HERC4: variants seen among roughly 807,000 people sequenced by gnomAD.
The protein encoded by HERC4 is HECT and RLD domain containing E3 ubiquitin protein ligase 4.
Under a neutral mutation model 124.3 loss-of-function variants are expected in HERC4, and 28 were observed. The observed-to-expected ratio is 0.23, with a 90% CI of 0.17 to 0.31. HERC4 has a LOEUF of 0.31. Ranked by LOEUF, HERC4 falls within the 10% of genes least tolerant of loss-of-function variation. HERC4 has a pLI of 1.00. For synonymous variants in HERC4, 407 were observed against 421.5 expected (o/e 0.97, Z 0.42); for missense variants, 713 against 1,229.3 (o/e 0.58, Z 6.28).
intron 3 of HERC4, among the ~76,000 whole-genome samples, chr10:68,048,693 TA>T (rs1182012586): frequency 7.9e-5 from 12 of 152,210 alleles, no homozygotes; most frequent in Non-Finnish European, 2.9e-5. Flanking sequence ...TTGTTGATTT[TA>T]ACAAATGTGC....
At chr10:68,042,420 T>C (rs777124292) in intron 4 of HERC4, among the ~76,000 whole-genome samples, 24 of 152,230 alleles carry the variant, frequency 1.6e-4, no homozygotes, top group Non-Finnish European at 3.4e-4. Flanking sequence ...AGTCCAGGAA[T>C]TTAAGACCAG....
chr10:67,925,689 T>A (rs1432754844), intron 23 of HERC4, among the ~76,000 whole-genome samples: 1 of 152,060 alleles, frequency 6.6e-6, no homozygotes, highest in African/African-American at 2.4e-5. Context: ...ATATGAGGAA[T>A]GTATGACTTC....
rs749114808 is a variant in HERC4, at chr10:67,922,804, G to A, written c.*127C>T. The A allele has an allele frequency of 6.9e-5, 47 of 680,066 alleles. No homozygotes were observed. The highest frequency in any genetic ancestry group is 1.6e-4 in the African/African-American group (9 of 56,114). 42.1% of individuals were successfully genotyped at this position (680,066 alleles called of 1,614,324 possible). A position where few individuals can be genotyped will look rare whatever the true frequency, so the allele number is the denominator to read the frequency against. On this transcript the variant is annotated 3_prime_UTR_variant, in exon 25 of 25. Coordinates refer to ENST00000373700, the MANE Select transcript of HERC4 (RefSeq NM_015601.4). The stretch of plus-strand genomic sequence containing the variant: ...TATTTTTTGGCTTCCATGAACACTC[G>A]TAGATTGAACATTCTGCAAGTAAGA...
intron 16 of HERC4, among the ~76,000 whole-genome samples, chr10:67,963,455 G>C (rs1314185957): frequency 6.6e-6 from 1 of 152,156 alleles, no homozygotes; most frequent in Non-Finnish European, 1.5e-5. Flanking sequence ...GACCTCAGGT[G>C]ATCTGCCCAC....
chr10:67,959,357 A>T (rs577440379), intron 16 of HERC4, among the ~76,000 whole-genome samples: 1 of 152,252 alleles, frequency 6.6e-6, no homozygotes, highest in African/African-American at 2.4e-5. Context: ...GTGATCATAA[A>T]ATGATTGAGG....
intron 16 of HERC4, among the ~76,000 whole-genome samples, chr10:67,959,626 T>C (rs1326210034): frequency 6.6e-6 from 1 of 152,118 alleles, no homozygotes; most frequent in Non-Finnish European, 1.5e-5. Context: ...AAATTGTTTT[T>C]ATTTGACAGA....
chr10:67,976,772 T>C (rs998995289), intron 15 of HERC4, among the ~76,000 whole-genome samples: 2 of 152,192 alleles, frequency 1.3e-5, no homozygotes, highest in Non-Finnish European at 2.9e-5. Context: ...TTGTTAGGCA[T>C]TGAGCTCAGC....
intron 3 of HERC4, among the ~76,000 whole-genome samples, chr10:68,066,117 C>T (rs1379726392): frequency 6.6e-6 from 1 of 152,160 alleles, no homozygotes; most frequent in African/African-American, 2.4e-5. Context: ...CATTTGAGTA[C>T]ACCTCCTCTA....
At chr10:67,956,806 T>C in intron 17 of HERC4, 72 bp downstream of exon 17, 1 of 1,010,042 alleles carries the variant, frequency 9.9e-7, no homozygotes, top group Non-Finnish European at 1.4e-6. Flanking sequence ...CCTAGGAAAA[T>C]TTCAAATATT....
At chr10:67,947,948 C>G (rs1164585362) in intron 19 of HERC4, among the ~76,000 whole-genome samples, 1 of 132,310 alleles carries the variant, frequency 7.6e-6, no homozygotes, top group Non-Finnish European at 1.6e-5. Context: ...CTTGGCCTCC[C>G]AAAGTGGTGG....
At chr10:67,936,325 A>T (rs559462293) in intron 21 of HERC4, 90 bp from the exon 22 acceptor site, 22 of 630,598 alleles carry the variant, frequency 3.5e-5, no homozygotes, top group Middle Eastern at 9.3e-4. Context: ...TCATTTAATT[A>T]AAAAAAACTA....
chr10:67,938,310 G>A (rs2032555116), intron 21 of HERC4, among the ~76,000 whole-genome samples: 1 of 151,498 alleles, frequency 6.6e-6, no homozygotes, highest in East Asian at 2.0e-4. Flanking sequence ...GTATGGTGGT[G>A]TGCACCTGTA....
At position 67,990,798 on chromosome 10, in the gene HERC4, C is replaced by A. The variant is rs115143453; in HGVS notation, c.1443+106G>T. 21 of 605,946 alleles carry A rather than the reference C, an allele frequency of 3.5e-5. No individual in the cohort carries two copies. In the Admixed American group the frequency reaches 5.0e-4, roughly 14 times the overall value. 37.5% of individuals were successfully genotyped at this position (605,946 alleles called of 1,614,324 possible). ...ATAAAATCTTATTTTAAAAGCACAT[C>A]GTAAGAGTCTGTGAAACTGCAAAGT... On this transcript the variant is annotated intron_variant, in intron 13 of 24. Transcript: ENST00000373700.
chr10:68,035,521 G>A (rs2039416953), intron 5 of HERC4, among the ~76,000 whole-genome samples: 1 of 152,084 alleles, frequency 6.6e-6, no homozygotes, highest in Non-Finnish European at 1.5e-5. Context: ...CATATAAATA[G>A]ACATTTGTAT....
At position 67,922,586 on chromosome 10, in the gene HERC4, C is replaced by G. The variant is rs57572487; in HGVS notation, c.*345G>C. On this transcript the variant is annotated 3_prime_UTR_variant, in exon 25 of 25. Transcript: ENST00000373700. Reference sequence around the variant, plus strand: ...AGGCCAAAGTTAAAGGTTTTTCACTCAATGATTGAAGAAAAATTAAGCAAT... The same window carrying G: ...AGGCCAAAGTTAAAGGTTTTTCACTGAATGATTGAAGAAAAATTAAGCAAT... 11,189 of 159,222 alleles carry G rather than the reference C, an allele frequency of 0.07. 1,023 individuals carry two copies. Among genetic ancestry groups the G allele is most frequent in the African/African-American group, 0.22 (9,032 of 41,702 alleles). The allele number at this position is 159,222 out of a possible 1,614,324, so 9.9% of individuals were successfully genotyped here.
At chr10:67,959,112 C>T (rs759435078) in intron 16 of HERC4, 1 of 1,595,528 alleles carries the variant, frequency 6.3e-7, no homozygotes, top group Admixed American at 1.7e-5. Context: ...ACCAAACTTA[C>T]CTCAGTTAAT....
At chr10:68,007,041 T>C (rs2037613904) in intron 9 of HERC4, among the ~76,000 whole-genome samples, 1 of 152,220 alleles carries the variant, frequency 6.6e-6, no homozygotes, top group Non-Finnish European at 1.5e-5. Context: ...GTCTCTATTA[T>C]TAGCTCTTTA....
rs2034177575 is a variant in HERC4 at position 67,956,867 on chromosome 10, T to C, written c.2025+11A>G. 2 of 1,502,282 alleles carry C rather than the reference T, an allele frequency of 1.3e-6. No individual in the cohort carries two copies. Among genetic ancestry groups the C allele is most frequent in the South Asian group, 1.3e-5 (1 of 79,882 alleles). 93.1% of individuals were successfully genotyped at this position (1,502,282 alleles called of 1,614,324 possible). A position where few individuals can be genotyped will look rare whatever the true frequency, so the allele number is the denominator to read the frequency against. On this transcript the variant is annotated intron_variant, in intron 17 of 24. Transcript: ENST00000373700. The stretch of plus-strand genomic sequence containing the variant: ...AATTAAAAAAAAAAACCCTCTCAAA[T>C]AATATTTTACCTGCATCTGTAAGAC...
chr10:67,968,355 A>C (rs2035018481), intron 15 of HERC4, among the ~76,000 whole-genome samples: 1 of 152,094 alleles, frequency 6.6e-6, no homozygotes, highest in Non-Finnish European at 1.5e-5. Flanking sequence ...AACCAACAGA[A>C]AGCACAGCTG....
Sources: allele counts gnomAD v4.1 joint callset (sites outside exome capture counted in the v4.1 genomes callset), GRCh38; gene constraint gnomAD v4.1.1; transcripts MANE v1.5; gene names NCBI Gene and HGNC (gene_info 2026-07-23, HGNC 2026-07-21).